The following ADGRB3 variants were observed in gnomAD, a reference collection of about 807,000 sequenced individuals.
ADGRB3 encodes the protein brain-specific angiogenesis inhibitor 3.
In ADGRB3, 37 loss-of-function variants were observed where a neutral mutation model predicts 193.4. The observed-to-expected ratio is 0.19, with a 90% CI of 0.15 to 0.25. The LOEUF (loss-of-function observed/expected upper bound fraction) is 0.25. ADGRB3 is among the 10% of genes least tolerant of loss of function. The pLI, the probability that ADGRB3 is intolerant of heterozygous loss-of-function variation, is 1.00. For missense variants in ADGRB3, 1,637 were observed against 1,852.9 expected, an observed-to-expected ratio of 0.88 and a Z score of 2.14; for synonymous variants, 690 against 644.2, an observed-to-expected ratio of 1.07 and a Z score of -1.08.
intron 17 of ADGRB3, among the ~76,000 whole-genome samples, chr6:69,170,982 A>G (rs946814122): frequency 6.6e-6 from 1 of 152,224 alleles, no homozygotes; most frequent in Non-Finnish European, 1.5e-5. Context: ...TAGCCATACG[A>G]AAAGTAAAAA....
At chr6:68,859,732 A>G (rs957457313) in intron 3 of ADGRB3, among the ~76,000 whole-genome samples, 16 of 152,286 alleles carry the variant, frequency 1.1e-4, no homozygotes, top group Admixed American at 7.2e-4. Context: ...GGTCCCTCCC[A>G]TGACACATGG....
At position 69,006,229 on chromosome 6, in the gene ADGRB3, G is replaced by A. The variant is rs905149711; in HGVS notation, c.1930-7809G>A. On this transcript the variant is annotated intron_variant, in intron 11 of 31. Coordinates refer to ENST00000370598, the MANE Select transcript of ADGRB3 (RefSeq NM_001704.3). ...TGAGGTAGAGTTGAAGCCATACACAGGGAATCTGTGATCCCTACTTTAATC... is the reference window on the plus strand; with the variant it reads ...TGAGGTAGAGTTGAAGCCATACACAAGGAATCTGTGATCCCTACTTTAATC... Among the ~76,000 whole-genome samples the A allele has an allele frequency of 5.9e-5, 9 of 152,048 alleles. No homozygotes were observed. In the East Asian group the frequency reaches 1.6e-3, roughly 26 times the overall value.
rs1374531366 is a variant in ADGRB3 at position 69,040,369 on chromosome 6, C to CT, written c.2108-7813dup. On this transcript the variant is annotated intron_variant, in intron 13 of 31. Coordinates refer to ENST00000370598, the MANE Select transcript of ADGRB3 (RefSeq NM_001704.3). ...TCTTTCTTTCTTTCTTTCTTTCTTT[C>CT]TTTCTTTCCTTCTCTCTCTTTCTTT... Among the ~76,000 whole-genome samples the CT allele has an allele frequency of 3.5e-5, 2 of 57,468 alleles. 1 individual carries two copies. The highest frequency in any genetic ancestry group is 4.8e-4 in the Admixed American group (2 of 4,174). The allele number at this position is 57,468 out of a possible 152,430, so 37.7% of individuals were successfully genotyped here. A position where few individuals can be genotyped will look rare whatever the true frequency, so the allele number is the denominator to read the frequency against.
intron 3 of ADGRB3, among the ~76,000 whole-genome samples, chr6:68,850,087 A>C (rs1768366569): frequency 6.6e-6 from 1 of 151,864 alleles, no homozygotes; most frequent in African/African-American, 2.4e-5. Flanking sequence ...TACATTGCTC[A>C]TGTTTAAAAC....
chr6:69,116,822 A>G (rs1773544849), intron 17 of ADGRB3, among the ~76,000 whole-genome samples: 1 of 152,332 alleles, frequency 6.6e-6, no homozygotes, highest in Middle Eastern at 3.4e-3. Context: ...GCACATTATG[A>G]AAGTGGGCAT....
intron 26 of ADGRB3, among the ~76,000 whole-genome samples, 149 bp from the exon 27 acceptor site, chr6:69,354,078 GTAATAA>G (rs1322996354): frequency 6.6e-6 from 1 of 151,960 alleles, no homozygotes; most frequent in African/African-American, 2.4e-5. Context: ...AATAATAGTA[GTAATAA>G]TAATAAGTTT....
chr6:68,776,465 A>T (rs995869867), intron 3 of ADGRB3, among the ~76,000 whole-genome samples: 4 of 152,158 alleles, frequency 2.6e-5, no homozygotes, highest in Non-Finnish European at 5.9e-5. Context: ...CAGTCCTTTT[A>T]TTCCATAATT....
At chr6:68,793,206 G>C (rs979319479) in intron 3 of ADGRB3, among the ~76,000 whole-genome samples, 4 of 152,034 alleles carry the variant, frequency 2.6e-5, no homozygotes, top group African/African-American at 9.7e-5. Context: ...GTGCATCTCA[G>C]GGTTACGCTG....
At chr6:68,963,163 C>T (rs1768281445) in intron 8 of ADGRB3, among the ~76,000 whole-genome samples, 2 of 152,164 alleles carry the variant, frequency 1.3e-5, no homozygotes, top group Non-Finnish European at 2.9e-5. Context: ...AGGAGCAGTG[C>T]AGCAGGAAGA....
At chr6:69,356,079 C>T (rs535901607) in intron 28 of ADGRB3, among the ~76,000 whole-genome samples, 13 of 152,254 alleles carry the variant, frequency 8.5e-5, no homozygotes, top group African/African-American at 3.1e-4. Context: ...AGGGAACTTA[C>T]AGACAGGAGT....
chr6:68,994,895 TTGTTTTA>T (rs1769340705), intron 11 of ADGRB3, among the ~76,000 whole-genome samples: 1 of 152,180 alleles, frequency 6.6e-6, no homozygotes, highest in South Asian at 2.1e-4. Context: ...TTGTTTTGTT[TTGTTTTA>T]ATTAGCTATT....
At chr6:69,240,526 A>G (rs1766363565) in intron 20 of ADGRB3, among the ~76,000 whole-genome samples, 1 of 152,048 alleles carries the variant, frequency 6.6e-6, no homozygotes, top group Admixed American at 6.6e-5. Flanking sequence ...GGAAATACAA[A>G]GTAAAGAAAA....
chr6:69,037,379 A>G (rs970297518), intron 13 of ADGRB3, among the ~76,000 whole-genome samples: 5 of 152,330 alleles, frequency 3.3e-5, no homozygotes, highest in African/African-American at 9.6e-5. Flanking sequence ...TTCACATCAT[A>G]ATTGCAGAGT....
At chr6:68,934,758 T>C (rs1474997531) in intron 4 of ADGRB3, among the ~76,000 whole-genome samples, 1 of 152,232 alleles carries the variant, frequency 6.6e-6, no homozygotes, top group Non-Finnish European at 1.5e-5. Context: ...CTATTTGGTT[T>C]ATAGAATAAT....
At chr6:69,129,823 G>T (rs1405430351) in intron 17 of ADGRB3, among the ~76,000 whole-genome samples, 1 of 152,104 alleles carries the variant, frequency 6.6e-6, no homozygotes. Flanking sequence ...AAAGAATTGT[G>T]TTGTATGAAT....
intron 3 of ADGRB3, among the ~76,000 whole-genome samples, chr6:68,737,555 A>T (rs565253172): frequency 6.6e-6 from 1 of 152,234 alleles, no homozygotes; most frequent in South Asian, 2.1e-4. Context: ...ATACAATAAG[A>T]ATATTATTAT....
At chr6:68,785,914 T>C (rs1332404322) in intron 3 of ADGRB3, among the ~76,000 whole-genome samples, 2 of 152,220 alleles carry the variant, frequency 1.3e-5, no homozygotes, top group Non-Finnish European at 2.9e-5. Context: ...CCAGTGATGA[T>C]GAGCATTTTT....
At chr6:69,216,531 C>T (rs1462933734) in intron 17 of ADGRB3, among the ~76,000 whole-genome samples, 1 of 152,096 alleles carries the variant, frequency 6.6e-6, no homozygotes, top group Non-Finnish European at 1.5e-5. Flanking sequence ...ACAGGTAAAA[C>T]TAGGAGTGTG....
At chr6:69,318,846 A>G (rs1768375198) in intron 20 of ADGRB3, among the ~76,000 whole-genome samples, 1 of 134,740 alleles carries the variant, frequency 7.4e-6, no homozygotes, top group Admixed American at 7.6e-5. Flanking sequence ...GTATATATAT[A>G]TAATATGTAT....
Sources: allele counts gnomAD v4.1 joint callset (sites outside exome capture counted in the v4.1 genomes callset), GRCh38; gene constraint gnomAD v4.1.1; transcripts MANE v1.5; gene names NCBI Gene and HGNC (gene_info 2026-07-23, HGNC 2026-07-21).